LHX4: variants seen among roughly 807,000 people sequenced by gnomAD.
LHX4 encodes the protein LIM homeobox 4, also known as LIM/homeobox protein Lhx4.
A neutral mutation model predicts 39.2 loss-of-function variants in LHX4; 16 were observed. The ratio of observed to expected loss-of-function variants is 0.41; its 90% confidence interval spans 0.28 to 0.62. The LOEUF is 0.62. Ranked by LOEUF, LHX4 falls within the 20% of genes least tolerant of loss-of-function variation. The probability of loss-of-function intolerance (pLI) is 0.33; values close to 1 mark genes in which losing one functional copy is unlikely to be tolerated. For missense variants in LHX4, 439 were observed against 511.9 expected (o/e 0.86, Z 1.37); for synonymous variants, 206 against 198.1 (o/e 1.04, Z -0.33).
At chr1:180,272,053 T>C in intron 5 of LHX4, 47 bp downstream of exon 5, 5 of 1,553,744 alleles carry the variant, frequency 3.2e-6, no homozygotes, top group Non-Finnish European at 4.4e-6. Flanking sequence ...GAAAGTCCCC[T>C]GGGAATCTGT....
At chr1:180,264,857 C>T (rs1648250914) in intron 2 of LHX4, among the ~76,000 whole-genome samples, 1 of 152,214 alleles carries the variant, frequency 6.6e-6, no homozygotes, top group Non-Finnish European at 1.5e-5. Flanking sequence ...GCCCCTCACA[C>T]CCCAACACCC....
chr1:180,262,995 T>G (rs1393516451), intron 2 of LHX4, among the ~76,000 whole-genome samples: 1 of 152,246 alleles, frequency 6.6e-6, no homozygotes, highest in Non-Finnish European at 1.5e-5. Flanking sequence ...CCCAGAGGCC[T>G]GGCTAGCAGG....
intron 1 of LHX4, among the ~76,000 whole-genome samples, chr1:180,235,738 G>T (rs1664300480): frequency 6.6e-6 from 1 of 152,210 alleles, no homozygotes; most frequent in South Asian, 2.1e-4. Flanking sequence ...ATCGACCAGG[G>T]AAGGGAGTTG....
chr1:180,269,715 C>T (rs983231105), intron 3 of LHX4: 4 of 152,206 alleles, frequency 2.6e-5, no homozygotes, highest in Non-Finnish European at 4.4e-5. Flanking sequence ...TGCACTATTT[C>T]CCATTTGCAT....
intron 4 of LHX4, 27 bp downstream of exon 4, chr1:180,271,561 C>T (rs373498977): frequency 9.9e-6 from 16 of 1,613,392 alleles, no homozygotes; most frequent in Non-Finnish European, 1.3e-5. Context: ...CCTGTGCCCT[C>T]CGGGGATCCC....
chr1:180,271,169 T>C (rs141260362), intron 3 of LHX4: 1 of 634,124 alleles, frequency 1.6e-6, no homozygotes, highest in Non-Finnish European at 2.9e-6. Context: ...AGGACTGCTG[T>C]CCTCACTTTT....
In LHX4 at chr1:180,234,501, G is replaced by A. The variant is rs1664266039; in HGVS notation, c.76+3896G>A. On this transcript the variant is annotated intron_variant, in intron 1 of 5. Transcript: ENST00000263726. The surrounding 1 kb of genome is among the most constrained non-coding windows in gnomAD (Gnocchi z 4.8). ...CGGCAGCGCCCCGCTTGGGACAGCG[G>A]ATGGCTGAGGACTCCCAAGGGGCGA... is the stretch of plus-strand genomic sequence containing the variant. Among the ~76,000 whole-genome samples the A allele has an allele frequency of 6.6e-6, 1 of 152,194 alleles. No homozygotes were observed. The highest frequency in any genetic ancestry group is 1.5e-5 in the Non-Finnish European group (1 of 68,042).
At chr1:180,273,606 C>T (rs1292749506) in intron 5 of LHX4, 1 of 152,536 alleles carries the variant, frequency 6.6e-6, no homozygotes, top group African/African-American at 2.4e-5. Flanking sequence ...TTGCCTTAAT[C>T]AAGTCAATTC....
chr1:180,264,993 G>A (rs1648255003), intron 2 of LHX4, among the ~76,000 whole-genome samples: 2 of 152,208 alleles, frequency 1.3e-5, no homozygotes, highest in South Asian at 4.1e-4. Context: ...GGGCGTCTGA[G>A]GCTGCTGCTG....
At chr1:180,254,702 G>A (rs904905795) in intron 2 of LHX4, among the ~76,000 whole-genome samples, 11 of 152,206 alleles carry the variant, frequency 7.2e-5, no homozygotes, top group Non-Finnish European at 1.3e-4. Context: ...CAGGTGCGGG[G>A]TTTTGAGTCC....
At chr1:180,256,547 A>G (rs921562748) in intron 2 of LHX4, among the ~76,000 whole-genome samples, 3 of 152,190 alleles carry the variant, frequency 2.0e-5, no homozygotes, top group African/African-American at 7.2e-5. Context: ...CTGGAGAATG[A>G]GGCCCTCAGT....
chr1:180,255,387 C>T (rs776014698), intron 2 of LHX4, among the ~76,000 whole-genome samples: 6 of 152,142 alleles, frequency 3.9e-5, no homozygotes, highest in Admixed American at 6.5e-5. Flanking sequence ...CATACACACA[C>T]GCACACACGC....
In LHX4 at chr1:180,234,169, TTATA is replaced by T. The variant is rs777438399; in HGVS notation, c.76+3613_76+3616del. 0.035 allele frequency among the ~76,000 whole-genome samples: 1,819 copies of T among 52,558 alleles called. 37 individuals are homozygous for T. Among genetic ancestry groups the T allele is most frequent in the Middle Eastern group, 0.077 (4 of 52 alleles). 34.5% of individuals were successfully genotyped at this position (52,558 alleles called of 152,430 possible). ...AACAGACACACACAACACACACAAA[TTATA>T]TATATATATATATATATATATATAT... On this transcript the variant is annotated intron_variant, in intron 1 of 5. Coordinates refer to ENST00000263726, the MANE Select transcript of LHX4 (RefSeq NM_033343.4). The surrounding 1 kb of genome is among the most constrained non-coding windows in gnomAD (Gnocchi z 4.8).
chr1:180,251,667 T>C (rs536951841), intron 2 of LHX4, among the ~76,000 whole-genome samples: 16 of 152,318 alleles, frequency 1.1e-4, no homozygotes, highest in African/African-American at 3.6e-4. Context: ...GTTTCTTCTG[T>C]ATGCTGCAAG....
intron 2 of LHX4, among the ~76,000 whole-genome samples, chr1:180,253,994 T>C (rs753308693): frequency 1.2e-4 from 18 of 152,054 alleles, no homozygotes; most frequent in Non-Finnish European, 1.8e-4. Context: ...AACAAACCAT[T>C]ATGGAGTGAA....
intron 1 of LHX4, among the ~76,000 whole-genome samples, chr1:180,241,958 C>G (rs1371962378): frequency 1.3e-5 from 2 of 151,884 alleles, no homozygotes; most frequent in African/African-American, 4.8e-5. Context: ...GCTGGGACTA[C>G]AGGTGCACCC....
chr1:180,242,405 T>A (rs1333582705), intron 1 of LHX4, among the ~76,000 whole-genome samples: 2 of 152,212 alleles, frequency 1.3e-5, no homozygotes, highest in Admixed American at 1.3e-4. Context: ...TCTTTATTTG[T>A]GATTGTGTTT....
At chr1:180,247,402 T>G (rs1448505973) in intron 1 of LHX4, among the ~76,000 whole-genome samples, 1 of 152,210 alleles carries the variant, frequency 6.6e-6, no homozygotes, top group African/African-American at 2.4e-5. Flanking sequence ...GCTTCCAGGA[T>G]AACTCTCAGC....
At chr1:180,262,693 A>G (rs1405949321) in intron 2 of LHX4, among the ~76,000 whole-genome samples, 1 of 151,764 alleles carries the variant, frequency 6.6e-6, no homozygotes, top group East Asian at 1.9e-4. Flanking sequence ...AAAAAAAAAA[A>G]AAAGAAAAGA....
Sources: allele counts gnomAD v4.1 joint callset (sites outside exome capture counted in the v4.1 genomes callset), GRCh38; gene constraint gnomAD v4.1.1; non-coding constraint Gnocchi (gnomAD v3.1); transcripts MANE v1.5; gene names NCBI Gene and HGNC (gene_info 2026-07-23, HGNC 2026-07-21).